Variants in AGMO observed in about 807,000 individuals in gnomAD.
AGMO encodes the protein glyceryl-ether monooxygenase.
AGMO carries 75 observed loss-of-function variants against 60.2 expected under a neutral mutation model. That is an observed-to-expected ratio of 1.25 (90% CI 1.03 to 1.51). The LOEUF (loss-of-function observed/expected upper bound fraction) is 1.51, where lower values mean the gene tolerates loss of function less well. Ranked by LOEUF, AGMO falls within the 40% of genes most tolerant of loss-of-function variation. The probability of loss-of-function intolerance (pLI) is 0.00; values close to 1 mark genes in which losing one functional copy is unlikely to be tolerated. For synonymous variants in AGMO, 261 were observed against 177.1 expected, an observed-to-expected ratio of 1.47 and a Z score of -3.76; for missense variants, 763 against 525.5, an observed-to-expected ratio of 1.45 and a Z score of -4.42.
intron 5 of AGMO, among the ~76,000 whole-genome samples, chr7:15,408,778 C>A (rs1427078359): frequency 6.6e-6 from 1 of 151,836 alleles, no homozygotes; most frequent in African/African-American, 2.4e-5. Flanking sequence ...TGTTTCCTCA[C>A]TTTGAGTGGG....
chr7:15,418,816 G>C (rs1780852636), intron 4 of AGMO, among the ~76,000 whole-genome samples, 163 bp from the exon 5 acceptor site: 1 of 151,714 alleles, frequency 6.6e-6, no homozygotes, highest in Non-Finnish European at 1.5e-5. Context: ...TTTTCCTCAT[G>C]GTGATACAGT....
In AGMO at chr7:15,343,329, C is replaced by T. The variant is rs148396687; in HGVS notation, c.1263+22185G>A. Among the ~76,000 whole-genome samples the T allele has an allele frequency of 9.8e-3, 1,487 of 152,118 alleles. 9 individuals are homozygous for T. The highest frequency in any genetic ancestry group is 0.017 in the Middle Eastern group (5 of 294). ...TTTAACTCAAGCTTTCAATATCTTG[C>T]GGAAATAATTATAGACAACATTGTG... On this transcript the variant is annotated intron_variant, in intron 12 of 12. Transcript: ENST00000342526.
Position 15,374,150 on chromosome 7 carries a change from A to G in AGMO, c.1075-7928T>C, listed in dbSNP as rs567463254. On this transcript the variant is annotated intron_variant, in intron 10 of 12. Transcript: ENST00000342526. Reference sequence around the variant, plus strand: ...CCAATGTGACACCATACTGCAATGTATAATTATATGTGAGTCTCAAGAATC... The same window carrying G: ...CCAATGTGACACCATACTGCAATGTGTAATTATATGTGAGTCTCAAGAATC... Among the ~76,000 whole-genome samples, 62 of 152,318 alleles carry G rather than the reference A, an allele frequency of 4.1e-4. 1 individual carries two copies. Among genetic ancestry groups the G allele is most frequent in the African/African-American group, 1.2e-3 (50 of 41,568 alleles).
chr7:15,391,065 CTAA>C (rs1784118681), intron 6 of AGMO, among the ~76,000 whole-genome samples, 160 bp from the exon 7 acceptor site: 2 of 151,816 alleles, frequency 1.3e-5, no homozygotes, highest in African/African-American at 4.8e-5. Flanking sequence ...ATTTTATTGT[CTAA>C]TAATGGAATT....
At chr7:15,388,869 A>C (rs78352148) in intron 8 of AGMO, among the ~76,000 whole-genome samples, 1,996 of 152,294 alleles carry the variant, frequency 0.013, 35 homozygotes, top group African/African-American at 0.046. Flanking sequence ...AACATGTAGA[A>C]GAGTAAACCT....
the AGMO span, among the ~76,000 whole-genome samples, chr7:15,189,607 C>G: frequency 6.6e-6 from 1 of 152,020 alleles, no homozygotes; most frequent in African/African-American, 2.4e-5. Flanking sequence ...ATCTTCTTTC[C>G]TATCAGCAAC....
chr7:15,458,784 C>T (rs115742642), intron 3 of AGMO, among the ~76,000 whole-genome samples: 2 of 152,230 alleles, frequency 1.3e-5, no homozygotes, highest in African/African-American at 4.8e-5. Flanking sequence ...TAAGACGACA[C>T]AACCACAAAA....
intron 12 of AGMO, among the ~76,000 whole-genome samples, chr7:15,266,399 A>C (rs917142787): frequency 1.3e-5 from 2 of 148,826 alleles, no homozygotes; most frequent in Non-Finnish European, 3.0e-5. Context: ...CAATGGAAAA[A>C]GCAAAAAAAA....
intron 3 of AGMO, among the ~76,000 whole-genome samples, chr7:15,500,246 G>C (rs1427504783): frequency 6.6e-6 from 1 of 151,838 alleles, no homozygotes; most frequent in East Asian, 1.9e-4. Context: ...CTTTTAAACT[G>C]AGTCTTTTGA....
intron 3 of AGMO, among the ~76,000 whole-genome samples, chr7:15,542,508 G>C (rs550153641): frequency 6.6e-6 from 1 of 151,956 alleles, no homozygotes. Context: ...CTGTTATAAT[G>C]GGCTTTCCAG....
At chr7:15,479,260 G>A (rs1180371685) in intron 3 of AGMO, among the ~76,000 whole-genome samples, 1 of 152,084 alleles carries the variant, frequency 6.6e-6, no homozygotes, top group Non-Finnish European at 1.5e-5. Flanking sequence ...AAGTACAATG[G>A]GGCAGGGCCA....
At chr7:15,517,730 T>C (rs1298895739) in intron 3 of AGMO, among the ~76,000 whole-genome samples, 2 of 152,020 alleles carry the variant, frequency 1.3e-5, no homozygotes, top group African/African-American at 4.8e-5. Context: ...AAGCACAAAA[T>C]TGGGCGGCAG....
intron 12 of AGMO, among the ~76,000 whole-genome samples, chr7:15,316,990 CA>C (rs1780945735): frequency 6.6e-6 from 1 of 152,042 alleles, no homozygotes; most frequent in Admixed American, 6.6e-5. Flanking sequence ...TGAACATAAG[CA>C]AAAGGAAATG....
At chr7:15,270,774 G>A (rs1024381701) in intron 12 of AGMO, among the ~76,000 whole-genome samples, 2 of 150,534 alleles carry the variant, frequency 1.3e-5, no homozygotes, top group Non-Finnish European at 3.0e-5. Context: ...TTTTCTTCTA[G>A]GATTTTTATA....
chr7:15,379,592 A>G (rs983977171), intron 10 of AGMO, among the ~76,000 whole-genome samples: 1 of 152,062 alleles, frequency 6.6e-6, no homozygotes, highest in African/African-American at 2.4e-5. Context: ...AGTGAGCTCT[A>G]AAATTGAGGC....
At chr7:15,389,517 G>C (rs890892258) in intron 8 of AGMO, among the ~76,000 whole-genome samples, 1 of 152,170 alleles carries the variant, frequency 6.6e-6, no homozygotes, top group Admixed American at 6.5e-5. Context: ...TAGTTGAGAA[G>C]AAAGAAGAGA....
At chr7:15,239,834 G>C (rs932939883) in intron 12 of AGMO, among the ~76,000 whole-genome samples, 1 of 152,080 alleles carries the variant, frequency 6.6e-6, no homozygotes, top group Non-Finnish European at 1.5e-5. Flanking sequence ...GAATAACACT[G>C]TTTAATGAGC....
At chr7:15,270,401 G>C (rs776583626) in intron 12 of AGMO, among the ~76,000 whole-genome samples, 3 of 151,816 alleles carry the variant, frequency 2.0e-5, no homozygotes, top group Non-Finnish European at 4.4e-5. Context: ...TCATATGTTT[G>C]TTGGCCACTT....
intron 12 of AGMO, among the ~76,000 whole-genome samples, chr7:15,212,121 G>T (rs1026521924): frequency 1.3e-5 from 2 of 151,686 alleles, no homozygotes; most frequent in South Asian, 2.1e-4. Flanking sequence ...CTATTAAAAT[G>T]TTCAGTCCAG....
Sources: gnomAD v4.1 joint callset for allele counts (sites outside exome capture counted in the v4.1 genomes callset) on GRCh38, gnomAD v4.1.1 for gene constraint, MANE v1.5 for transcripts, NCBI Gene and HGNC (gene_info 2026-07-23, HGNC 2026-07-21) for gene names.